The following UGGT2 variants were observed in gnomAD, a reference collection of about 807,000 sequenced individuals.
UGGT2 encodes UDP-glucose glycoprotein glucosyltransferase 2, also known as UDP-glucose:glycoprotein glucosyltransferase 2.
A neutral mutation model predicts 192.1 loss-of-function variants in UGGT2; 180 were observed. That is an observed-to-expected ratio of 0.94 (90% confidence interval 0.83 to 1.06). The LOEUF (loss-of-function observed/expected upper bound fraction) is 1.06, where lower values mean the gene tolerates loss of function less well. Among genes scored for constraint, UGGT2 ranks in the 50% least tolerant of loss-of-function variants. UGGT2 has a pLI of 0.00. For missense variants in UGGT2, 1,849 were observed against 1,795.7 expected, an observed-to-expected ratio of 1.03 and a Z score of -0.54; for synonymous variants, 580 against 591.0, an observed-to-expected ratio of 0.98 and a Z score of 0.27.
At chr13:95,902,250 A>AT (rs1566662722) in intron 21 of UGGT2, among the ~76,000 whole-genome samples, 1 of 152,174 alleles carries the variant, frequency 6.6e-6, no homozygotes, top group African/African-American at 2.4e-5. Context: ...TAATAGTAAA[A>AT]TATTCAACAT....
At chr13:95,815,303 G>C (rs1218288653) in intron 38 of UGGT2, among the ~76,000 whole-genome samples, 1 of 152,200 alleles carries the variant, frequency 6.6e-6, no homozygotes, top group Admixed American at 6.5e-5. Flanking sequence ...ATGATCCACT[G>C]TGAAGACAAT....
intron 38 of UGGT2, among the ~76,000 whole-genome samples, chr13:95,831,057 T>C (rs574453337): frequency 2.0e-5 from 3 of 150,072 alleles, no homozygotes; most frequent in African/African-American, 7.3e-5. Flanking sequence ...CTGTCCTCAC[T>C]CATAGGTGGG....
At chr13:95,830,217 TG>T (rs1886509199) in intron 38 of UGGT2, among the ~76,000 whole-genome samples, 2 of 152,170 alleles carry the variant, frequency 1.3e-5, no homozygotes, top group Admixed American at 1.3e-4. Context: ...GACACAGGCA[TG>T]GGCAAGGACT....
intron 29 of UGGT2, among the ~76,000 whole-genome samples, chr13:95,870,040 T>C (rs1177428266): frequency 2.0e-5 from 3 of 152,208 alleles, no homozygotes; most frequent in Non-Finnish European, 4.4e-5. Flanking sequence ...TAAGAAACAA[T>C]GATGAAGCCT....
intron 17 of UGGT2, among the ~76,000 whole-genome samples, chr13:95,929,246 T>G (rs2049157371): frequency 6.6e-6 from 1 of 152,220 alleles, no homozygotes; most frequent in Admixed American, 6.5e-5. Flanking sequence ...TAAGCAATTT[T>G]AGATGCAATT....
At chr13:95,834,879 C>G (rs1179613321) in intron 37 of UGGT2, among the ~76,000 whole-genome samples, 1 of 152,046 alleles carries the variant, frequency 6.6e-6, no homozygotes, top group Non-Finnish European at 1.5e-5. Context: ...CAGATTGGTA[C>G]TATCCAATAC....
At chr13:95,824,809 A>G (rs1733543430) in intron 38 of UGGT2, among the ~76,000 whole-genome samples, 1 of 152,174 alleles carries the variant, frequency 6.6e-6, no homozygotes, top group Non-Finnish European at 1.5e-5. Context: ...CCACTGCTGG[A>G]GAGACCGTGT....
intron 38 of UGGT2, among the ~76,000 whole-genome samples, chr13:95,820,028 C>A (rs1218344729): frequency 4.6e-5 from 7 of 152,070 alleles, no homozygotes; most frequent in African/African-American, 1.7e-4. Context: ...CATGGTGGCA[C>A]ACACTTATAA....
intron 8 of UGGT2, among the ~76,000 whole-genome samples, chr13:95,988,715 C>T (rs1025464414): frequency 5.3e-5 from 8 of 152,066 alleles, no homozygotes; most frequent in Non-Finnish European, 1.2e-4. Context: ...AGTTATAAAA[C>T]TTAATAGATT....
chr13:95,810,567 T>C (rs1884531866), intron 38 of UGGT2, among the ~76,000 whole-genome samples: 1 of 152,194 alleles, frequency 6.6e-6, no homozygotes, highest in Non-Finnish European at 1.5e-5. Context: ...TTTTAGTCTT[T>C]TCAATATTTC....
intron 5 of UGGT2, among the ~76,000 whole-genome samples, chr13:96,011,539 T>C (rs1351080108): frequency 6.6e-6 from 1 of 152,072 alleles, no homozygotes; most frequent in Admixed American, 6.5e-5. Context: ...GGTTAGGATT[T>C]AGAGCAGCGA....
At chr13:95,940,270 A>G (rs2049623441) in intron 15 of UGGT2, among the ~76,000 whole-genome samples, 179 bp from the exon 16 acceptor site, 1 of 151,914 alleles carries the variant, frequency 6.6e-6, no homozygotes, top group Non-Finnish European at 1.5e-5. Flanking sequence ...GATGGTTTTA[A>G]AATATTCTAT....
intron 29 of UGGT2, among the ~76,000 whole-genome samples, chr13:95,869,225 T>G (rs943478330): frequency 2.6e-5 from 4 of 152,068 alleles, no homozygotes; most frequent in African/African-American, 7.2e-5. Context: ...ACTCATCATT[T>G]TTTATGGCTG....
At position 95,925,752 on chromosome 13, in the gene UGGT2, G is replaced by C. The variant is rs1233051222; in HGVS notation, c.2223C>G (p.Val741=). The change falls in exon 20 of 39, where the codon GTC becomes GTG. Residue 741 remains valine (V), a synonymous_variant. Transcript: ENST00000376747. ...TQDDESIISA[V]TLWIIADFDK... ...CAAAATCTGCAATAATCCAGAGAGTGACTGCAGAAATTATACTCTCATCTG... is the reference window on the plus strand; with the variant it reads ...CAAAATCTGCAATAATCCAGAGAGTCACTGCAGAAATTATACTCTCATCTG... 3 of 1,560,766 alleles carry C rather than the reference G, an allele frequency of 1.9e-6. No homozygotes were observed. In the South Asian group the frequency reaches 3.7e-5, roughly 19 times the overall value.
intron 20 of UGGT2, among the ~76,000 whole-genome samples, chr13:95,922,070 A>AT (rs1435825798): frequency 6.6e-6 from 1 of 152,234 alleles, no homozygotes; most frequent in Non-Finnish European, 1.5e-5. Context: ...TGTGACTCAT[A>AT]TACACCATGG....
At chr13:95,935,604 G>A (rs2049437262) in intron 17 of UGGT2, among the ~76,000 whole-genome samples, 1 of 152,116 alleles carries the variant, frequency 6.6e-6, no homozygotes, top group African/African-American at 2.4e-5. Flanking sequence ...GTGACTATAA[G>A]CCTTGGTGAT....
intron 12 of UGGT2, among the ~76,000 whole-genome samples, chr13:95,965,686 T>G (rs2050555794): frequency 6.6e-6 from 1 of 151,924 alleles, no homozygotes; most frequent in Non-Finnish European, 1.5e-5. Flanking sequence ...GGCACATGTA[T>G]ACATATGTAA....
chr13:95,820,937 G>A (rs1885447568), intron 38 of UGGT2, among the ~76,000 whole-genome samples: 1 of 152,002 alleles, frequency 6.6e-6, no homozygotes, highest in Non-Finnish European at 1.5e-5. Flanking sequence ...TTCCTTACTA[G>A]TATTTTCATT....
intron 22 of UGGT2, among the ~76,000 whole-genome samples, chr13:95,896,543 A>T (rs1437610258): frequency 6.6e-6 from 1 of 152,098 alleles, no homozygotes; most frequent in Admixed American, 6.6e-5. Flanking sequence ...TACTACCTCT[A>T]GCGACAGGGG....
Sources: allele counts gnomAD v4.1 joint callset (sites outside exome capture counted in the v4.1 genomes callset), GRCh38; gene constraint gnomAD v4.1.1; transcripts MANE v1.5; gene names NCBI Gene and HGNC (gene_info 2026-07-23, HGNC 2026-07-21).